BCAR1: variants seen among roughly 807,000 people sequenced by gnomAD.
The protein encoded by BCAR1 is breast cancer anti-estrogen resistance protein 1.
Under a neutral mutation model 67.6 loss-of-function variants are expected in BCAR1, and 30 were observed. The observed-to-expected ratio is 0.44, with a 90% CI of 0.33 to 0.60. BCAR1 has a LOEUF of 0.60. Ranked by LOEUF, BCAR1 falls within the 20% of genes least tolerant of loss-of-function variation. The pLI, the probability that BCAR1 is intolerant of heterozygous loss-of-function variation, is 0.02. For synonymous variants in BCAR1, 626 were observed against 556.7 expected (o/e 1.12, Z -1.75); for missense variants, 1,313 against 1,222.3 (o/e 1.07, Z -1.11).
intron 1 of BCAR1, among the ~76,000 whole-genome samples, chr16:75,244,293 G>C (rs1161611210): frequency 6.6e-6 from 1 of 152,254 alleles, no homozygotes; most frequent in Non-Finnish European, 1.5e-5. Flanking sequence ...ATCCCCACTT[G>C]GGCCCAAGTC....
At chr16:75,236,121 C>A in intron 4 of BCAR1, 135 bp from the exon 5 acceptor site, 1 of 1,151,780 alleles carries the variant, frequency 8.7e-7, no homozygotes, top group East Asian at 2.6e-5. Flanking sequence ...CGCACACACA[C>A]AGGCACACAT....
chr16:75,241,093 C>T (rs138766567), intron 2 of BCAR1, among the ~76,000 whole-genome samples: 2 of 152,346 alleles, frequency 1.3e-5, no homozygotes, highest in East Asian at 1.9e-4. Flanking sequence ...TACATTTGTA[C>T]GTTTGTGGGA....
rs1054274218 is a variant in BCAR1, at chr16:75,235,503, G to A, written c.1396C>T (p.Leu466=). The A allele has an allele frequency of 1.3e-6, 2 of 1,597,744 alleles. No individual in the cohort carries two copies. Among genetic ancestry groups the A allele is most frequent in the African/African-American group, 1.3e-5 (1 of 74,690 alleles). Residue 466 remains leucine (L), a synonymous_variant, in exon 5 of 7, where the codon CTG becomes TTG. Coordinates refer to ENST00000162330, the MANE Select transcript of BCAR1 (RefSeq NM_014567.5). Reference sequence around the variant, plus strand: ...ACGGTGGCGCTCACACCCTGCTGCAGCCGTGCCAGGGCCTCCACAGCAACT... The same window carrying A: ...ACGGTGGCGCTCACACCCTGCTGCAACCGTGCCAGGGCCTCCACAGCAACT... The part of the protein sequence containing the change: ...LEVAVEALAR[L]QQGVSATVAH...
upstream of BCAR1, among the ~76,000 whole-genome samples, chr16:75,255,556 C>T (rs1010976447): frequency 6.6e-6 from 1 of 152,090 alleles, no homozygotes; most frequent in Non-Finnish European, 1.5e-5. Flanking sequence ...ATTAGCTGGC[C>T]GTGGTGGCGG....
intron 5 of BCAR1, 68 bp downstream of exon 5, chr16:75,234,821 A>C: frequency 6.6e-7 from 1 of 1,505,866 alleles, no homozygotes; most frequent in Admixed American, 2.3e-5. Context: ...GCTGAGAACA[A>C]ATCTCCCCCT....
chr16:75,238,216 G>C (rs2077210691), intron 2 of BCAR1: 12 of 1,190,526 alleles, frequency 1.0e-5, no homozygotes, highest in African/African-American at 1.6e-5. Flanking sequence ...GGCCATGCCA[G>C]GCAGCCTCCT....
intron 1 of BCAR1, among the ~76,000 whole-genome samples, chr16:75,245,068 C>T (rs1158493922): frequency 2.0e-5 from 3 of 152,334 alleles, no homozygotes; most frequent in African/African-American, 7.2e-5. Flanking sequence ...ACAGGCAGTG[C>T]GGCAGGTCTA....
chr16:75,252,493 G>C, upstream of BCAR1: 1 of 1,263,004 alleles, frequency 7.9e-7, no homozygotes, highest in Non-Finnish European at 1.1e-6. Flanking sequence ...CTCGGTTGCA[G>C]GTCAGTGACT....
upstream of BCAR1, among the ~76,000 whole-genome samples, chr16:75,253,405 G>A (rs562983013): frequency 5.3e-5 from 8 of 152,266 alleles, no homozygotes; most frequent in Admixed American, 2.6e-4. Context: ...CTGCAGGGAC[G>A]GGCAAGGACA....
upstream of BCAR1, among the ~76,000 whole-genome samples, chr16:75,253,720 C>T (rs78716421): frequency 1.3e-5 from 2 of 152,352 alleles, no homozygotes; most frequent in African/African-American, 4.8e-5. Context: ...TTAAGCCCCA[C>T]AGTGTTGATG....
In BCAR1 at chr16:75,264,500, T is replaced by G. The variant is rs143615054; in HGVS notation, c.66+3415A>C. On this transcript the variant is annotated intron_variant, in intron 1 of 6. Transcript: ENST00000393422. Reference sequence around the variant, plus strand: ...GAAGAGAGGAAGGGCTTGGCAGGCATGTTCTGTCTTCCTTCTTTCTGAAGA... The same window carrying G: ...GAAGAGAGGAAGGGCTTGGCAGGCAGGTTCTGTCTTCCTTCTTTCTGAAGA... 1,959 of 1,436,732 alleles carry G rather than the reference T, an allele frequency of 1.4e-3. 22 individuals are homozygous for G. The African/African-American group carries it at 0.021, about 15-fold the overall frequency. The allele number at this position is 1,436,732 out of a possible 1,614,324, so 89.0% of individuals were successfully genotyped here.
chr16:75,251,266 A>C (rs1862738), intron 1 of BCAR1, among the ~76,000 whole-genome samples: 131,121 of 152,100 alleles, frequency 0.86, 56,779 homozygotes, highest in East Asian at 0.98. Flanking sequence ...CCGCCAACGC[A>C]CCCGAGGCGC....
At chr16:75,262,357 G>C (rs1376703596) in intron 1 of BCAR1, among the ~76,000 whole-genome samples, 3 of 152,200 alleles carry the variant, frequency 2.0e-5, no homozygotes, top group Non-Finnish European at 4.4e-5. Flanking sequence ...GAGGGAGCCT[G>C]ACACAACCAC....
intron 1 of BCAR1, chr16:75,263,359 C>T: frequency 1.0e-6 from 1 of 985,428 alleles, no homozygotes; most frequent in African/African-American, 1.7e-5. Flanking sequence ...TGTGTCCTCT[C>T]AGCTGCAGGA....
intron 5 of BCAR1, 101 bp from the exon 6 acceptor site, chr16:75,234,036 G>A (rs921400165): frequency 1.5e-5 from 17 of 1,101,180 alleles, no homozygotes; most frequent in Admixed American, 4.1e-5. Context: ...CCACCAGGTG[G>A]TGCTGCGTGT....
At chr16:75,238,998 G>A in intron 2 of BCAR1, 4 of 985,416 alleles carry the variant, frequency 4.1e-6, no homozygotes, top group Non-Finnish European at 3.6e-6. Flanking sequence ...ACCTCACGCG[G>A]TGAGGCCCAG....
chr16:75,251,927 ACTC>A, upstream of BCAR1: 1 of 519,834 alleles, frequency 1.9e-6, no homozygotes, highest in South Asian at 2.3e-5. Flanking sequence ...GCCTACGCAA[ACTC>A]CTCCACTTCT....
intron 1 of BCAR1, chr16:75,263,104 C>G (rs2077940574): frequency 5.5e-6 from 4 of 721,812 alleles, no homozygotes; most frequent in Non-Finnish European, 6.8e-6. Context: ...GCCCAGCACA[C>G]AGGGCGGCAT....
Position 75,251,581 on chromosome 16 carries a change from G to T in BCAR1, c.-99C>A, listed in dbSNP as rs902741719. 9.4e-7 allele frequency: 1 copy of T among 1,061,816 alleles called. No individual in the cohort carries two copies. Among genetic ancestry groups the T allele is most frequent in the Admixed American group, 5.4e-5 (1 of 18,366 alleles). 65.8% of individuals were successfully genotyped at this position (1,061,816 alleles called of 1,614,324 possible). ...GCTCCGAGCGCGCCGCAGCCGCCCC[G>T]GTGCCGCCGCGCAGCTGCCGCCTCG... On this transcript the variant is annotated 5_prime_UTR_variant, in exon 1 of 7. Transcript: ENST00000162330.
Sources: gnomAD v4.1 joint callset for allele counts (sites outside exome capture counted in the v4.1 genomes callset) on GRCh38, gnomAD v4.1.1 for gene constraint, MANE v1.5 for transcripts, NCBI Gene and HGNC (gene_info 2026-07-23, HGNC 2026-07-21) for gene names.